Variants in LAMA2 observed in about 807,000 individuals in gnomAD.
LAMA2 encodes laminin subunit alpha-2.
In LAMA2, 269 loss-of-function variants were observed where a neutral mutation model predicts 364.8. That is an observed-to-expected ratio of 0.74 (90% CI 0.67 to 0.82). The LOEUF is 0.82. Among genes scored for constraint, LAMA2 ranks in the 40% least tolerant of loss-of-function variants. The pLI, the probability that LAMA2 is intolerant of heterozygous loss-of-function variation, is 0.00. For synonymous variants in LAMA2, 1,379 were observed against 1,370.6 expected (o/e 1.01, Z -0.14); for missense variants, 3,807 against 3,873.2 (o/e 0.98, Z 0.45).
At chr6:129,449,889 G>A (rs951128397) in intron 45 of LAMA2, among the ~76,000 whole-genome samples, 1 of 143,826 alleles carries the variant, frequency 7.0e-6, no homozygotes, top group Admixed American at 7.3e-5. Context: ...TGCAGCCTCC[G>A]CCTCCCAGGT....
chr6:129,175,121 T>C (rs1051808324), intron 9 of LAMA2, among the ~76,000 whole-genome samples: 18 of 152,226 alleles, frequency 1.2e-4, no homozygotes, highest in African/African-American at 4.1e-4. Context: ...GAAACGAACT[T>C]ACTAATATCA....
chr6:129,041,507 C>T (rs1582923135), intron 1 of LAMA2, among the ~76,000 whole-genome samples: 1 of 152,256 alleles, frequency 6.6e-6, no homozygotes, highest in African/African-American at 2.4e-5. Context: ...ACATCCTTTT[C>T]TACATTTGAT....
intron 1 of LAMA2, among the ~76,000 whole-genome samples, chr6:129,008,288 G>T (rs944606311): frequency 1.3e-5 from 2 of 151,990 alleles, no homozygotes; most frequent in African/African-American, 4.8e-5. Flanking sequence ...CTCCTTTGGG[G>T]ATAGAAGGTA....
intron 12 of LAMA2, among the ~76,000 whole-genome samples, chr6:129,228,083 TG>T (rs34458869): frequency 6.6e-6 from 1 of 152,166 alleles, no homozygotes; most frequent in Non-Finnish European, 1.5e-5. Context: ...CTCAGACTGC[TG>T]GGCTAGCAAT....
At chr6:128,925,460 A>G (rs1779028550) in intron 1 of LAMA2, among the ~76,000 whole-genome samples, 1 of 152,224 alleles carries the variant, frequency 6.6e-6, no homozygotes, top group Non-Finnish European at 1.5e-5. Flanking sequence ...AGTCAGAATC[A>G]TAGAGACAGA....
intron 29 of LAMA2, among the ~76,000 whole-genome samples, chr6:129,341,379 G>C (rs1776259723): frequency 6.6e-6 from 1 of 152,140 alleles, no homozygotes; most frequent in African/African-American, 2.4e-5. Context: ...TAAGATGTAA[G>C]TCACTATTTT....
intron 17 of LAMA2, among the ~76,000 whole-genome samples, chr6:129,277,060 T>C (rs886444961): frequency 6.6e-6 from 1 of 152,194 alleles, no homozygotes; most frequent in Non-Finnish European, 1.5e-5. Context: ...TTATTGGTTA[T>C]CCCAATAACA....
intron 13 of LAMA2, among the ~76,000 whole-genome samples, chr6:129,251,070 CTCTCTCTA>C (rs1373523086): frequency 2.3e-3 from 157 of 67,576 alleles, no homozygotes; most frequent in Middle Eastern, 6.8e-3. Flanking sequence ...CTCTCTCTCT[CTCTCTCTA>C]TATATATATA....
chr6:129,471,150 C>A (rs2114820107), intron 51 of LAMA2, among the ~76,000 whole-genome samples: 1 of 152,006 alleles, frequency 6.6e-6, no homozygotes, highest in African/African-American at 2.4e-5. Context: ...CACATCTGAA[C>A]TCATCAACTG....
intron 40 of LAMA2, among the ~76,000 whole-genome samples, chr6:129,404,263 C>G (rs1358195350): frequency 6.7e-6 from 1 of 148,452 alleles, no homozygotes; most frequent in East Asian, 2.0e-4. Context: ...ATTTTATCAC[C>G]ATTATCTCAA....
chr6:129,098,082 A>T lies in LAMA2; in HGVS notation c.397-91A>T, dbSNP rs955842368. On this transcript the variant is annotated intron_variant, in intron 3 of 64. Transcript: ENST00000421865. The stretch of plus-strand genomic sequence containing the variant: ...AGATTATAGAATAAAATCTGAAATA[A>T]AATCTACTGTAGCATTTAGACTTAT... The T allele has an allele frequency of 1.8e-5, 24 of 1,321,056 alleles. No individual in the cohort carries two copies. In the African/African-American group the frequency reaches 3.1e-4, roughly 17 times the overall value. 81.8% of individuals were successfully genotyped at this position (1,321,056 alleles called of 1,614,324 possible). A position where few individuals can be genotyped will look rare whatever the true frequency, so the allele number is the denominator to read the frequency against.
At chr6:129,090,487 C>T (rs1211078227) in intron 3 of LAMA2, among the ~76,000 whole-genome samples, 1 of 152,142 alleles carries the variant, frequency 6.6e-6, no homozygotes, top group Non-Finnish European at 1.5e-5. Flanking sequence ...ACAGTTGAAT[C>T]AGGATTCACA....
At chr6:129,432,530 G>A (rs1424664519) in intron 41 of LAMA2, among the ~76,000 whole-genome samples, 1 of 152,180 alleles carries the variant, frequency 6.6e-6, no homozygotes, top group African/African-American at 2.4e-5. Flanking sequence ...TGTGTGTTCA[G>A]AATCAGAGTC....
intron 13 of LAMA2, among the ~76,000 whole-genome samples, chr6:129,251,785 A>G (rs1313363575): frequency 6.6e-6 from 1 of 152,096 alleles, no homozygotes; most frequent in African/African-American, 2.4e-5. Flanking sequence ...AATGCAAAAA[A>G]TTAGCCAGGC....
In LAMA2 at chr6:128,902,020, G is replaced by A. The variant is rs370476491; in HGVS notation, c.112+18663G>A. 4.3e-4 allele frequency among the ~76,000 whole-genome samples: 66 copies of A among 152,260 alleles called. 1 individual carries two copies. Among genetic ancestry groups the A allele is most frequent in the African/African-American group, 1.6e-3 (66 of 41,560 alleles). On this transcript the variant is annotated intron_variant, in intron 1 of 64. Coordinates refer to ENST00000421865, the MANE Select transcript of LAMA2 (RefSeq NM_000426.4). ...CAGGAAACTTACAATCATGACAGAAGGGAAAGCAAACACATTCTTCTTCAT... is the reference window on the plus strand; with the variant it reads ...CAGGAAACTTACAATCATGACAGAAAGGAAAGCAAACACATTCTTCTTCAT...
intron 4 of LAMA2, among the ~76,000 whole-genome samples, chr6:129,118,237 G>A (rs190198654): frequency 4.6e-5 from 7 of 152,314 alleles, no homozygotes; most frequent in African/African-American, 1.7e-4. Context: ...TTACAGAGGT[G>A]ATTGTGTCTA....
intron 64 of LAMA2, among the ~76,000 whole-genome samples, 162 bp downstream of exon 64, chr6:129,514,757 G>A (rs925588639): frequency 7.9e-5 from 12 of 152,316 alleles, no homozygotes; most frequent in African/African-American, 2.9e-4. Context: ...TTTCCAGTGT[G>A]TAAAATGAAC....
chr6:129,313,101 T>A lies in LAMA2; in HGVS notation c.3411+4T>A. 3 of 1,567,574 alleles carry A rather than the reference T, an allele frequency of 1.9e-6. No individual in the cohort carries two copies. The South Asian group carries it at 3.4e-5, about 18-fold the overall frequency. On this transcript the variant is annotated splice_donor_region_variant and intron_variant, in intron 23 of 64. Transcript: ENST00000421865. ...AACTGGGCAGTGCACTTGTAAGGTATGTGCTGCTGACATGCAGCTAGGGAA... is the reference window on the plus strand; with the variant it reads ...AACTGGGCAGTGCACTTGTAAGGTAAGTGCTGCTGACATGCAGCTAGGGAA...
In LAMA2 at chr6:129,349,289, C is replaced by G; in HGVS notation, c.4437-9C>G. The G allele has an allele frequency of 6.2e-7, 1 of 1,610,750 alleles. No homozygotes were observed. The highest frequency in any genetic ancestry group is 8.5e-7 in the Non-Finnish European group (1 of 1,177,186). On this transcript the variant is annotated splice_polypyrimidine_tract_variant and intron_variant, in intron 30 of 64. Transcript: ENST00000421865. ...AACTTTTTTTGCAATCCTTTTCTTT[C>G]TGATTCAGTTTCAGCCCCTCTTGTG...
Sources: allele counts gnomAD v4.1 joint callset (sites outside exome capture counted in the v4.1 genomes callset), GRCh38; gene constraint gnomAD v4.1.1; transcripts MANE v1.5; gene names NCBI Gene and HGNC (gene_info 2026-07-23, HGNC 2026-07-21).